The following ARHGAP15 variants were observed in gnomAD, a reference collection of about 807,000 sequenced individuals.
ARHGAP15 encodes Rho GTPase activating protein 15, also known as rho GTPase-activating protein 15.
In ARHGAP15, 51 loss-of-function variants were observed where a neutral mutation model predicts 63.7. The observed-to-expected ratio is 0.80, with a 90% confidence interval of 0.64 to 1.01. The LOEUF (loss-of-function observed/expected upper bound fraction) is 1.01, where lower values mean the gene tolerates loss of function less well. Ranked by LOEUF, ARHGAP15 falls within the 50% of genes least tolerant of loss-of-function variation. The probability of loss-of-function intolerance (pLI) is 0.00; values close to 1 mark genes in which losing one functional copy is unlikely to be tolerated. For synonymous variants in ARHGAP15, 191 were observed against 193.8 expected (o/e 0.99, Z 0.12); for missense variants, 560 against 564.6 (o/e 0.99, Z 0.08).
intron 8 of ARHGAP15, among the ~76,000 whole-genome samples, chr2:143,473,457 A>G (rs1035357031): frequency 1.3e-5 from 2 of 152,102 alleles, no homozygotes; most frequent in African/African-American, 4.8e-5. Context: ...ATGGGGAGGG[A>G]GTCAGATCCT....
At chr2:143,648,952 CAT>C (rs1182381167) in intron 12 of ARHGAP15, 2 of 151,938 alleles carry the variant, frequency 1.3e-5, no homozygotes, top group Non-Finnish European at 2.9e-5. Flanking sequence ...TATAACAAGA[CAT>C]AGTGCAAACC....
At chr2:143,390,128 G>A (rs1047448342) in intron 6 of ARHGAP15, among the ~76,000 whole-genome samples, 20 of 151,850 alleles carry the variant, frequency 1.3e-4, no homozygotes, top group African/African-American at 4.8e-4. Context: ...AAAGAGATAT[G>A]AGACTATATC....
chr2:143,539,133 T>C (rs1324996075), intron 10 of ARHGAP15, among the ~76,000 whole-genome samples: 2 of 152,234 alleles, frequency 1.3e-5, no homozygotes, highest in East Asian at 1.9e-4. Context: ...GAGGAACTTA[T>C]CCACTTCTTC....
chr2:143,610,770 C>T (rs1559079655), intron 11 of ARHGAP15, among the ~76,000 whole-genome samples: 1 of 152,018 alleles, frequency 6.6e-6, no homozygotes, highest in Non-Finnish European at 1.5e-5. Flanking sequence ...ACTCTGTCAC[C>T]CAGGGTACAG....
At chr2:143,232,322 A>G (rs2104920573) in intron 5 of ARHGAP15, among the ~76,000 whole-genome samples, 1 of 152,298 alleles carries the variant, frequency 6.6e-6, no homozygotes, top group South Asian at 2.1e-4. Context: ...ACCAAAAAGA[A>G]AACTGTCCCC....
intron 12 of ARHGAP15, among the ~76,000 whole-genome samples, chr2:143,651,495 T>C (rs185245782): frequency 6.6e-6 from 1 of 152,110 alleles, no homozygotes; most frequent in African/African-American, 2.4e-5. Context: ...TTTGGAGTGG[T>C]CAGTTTGGGC....
In ARHGAP15 at chr2:143,176,554, TA is replaced by T. The variant is rs201398827; in HGVS notation, c.165+20908del. Among the ~76,000 whole-genome samples the T allele has an allele frequency of 7.7e-3, 1,164 of 151,590 alleles. 12 individuals are homozygous for T. Among genetic ancestry groups the T allele is most frequent in the African/African-American group, 0.027 (1,098 of 41,338 alleles). On this transcript the variant is annotated intron_variant, in intron 2 of 13. Coordinates refer to ENST00000295095, the MANE Select transcript of ARHGAP15 (RefSeq NM_018460.4). Reference sequence around the variant, plus strand: ...TTCTCTGTCATTTAATATTAAGTAGTAAAAAAAAACTAGTAAATAAGACTAA... The same window carrying T: ...TTCTCTGTCATTTAATATTAAGTAGTAAAAAAAACTAGTAAATAAGACTAA...
At chr2:143,203,976 G>T (rs1000819491) in intron 3 of ARHGAP15, among the ~76,000 whole-genome samples, 1 of 151,892 alleles carries the variant, frequency 6.6e-6, no homozygotes, top group Non-Finnish European at 1.5e-5. Context: ...GCCCAAACCC[G>T]TTCTCCATTT....
At chr2:143,329,841 T>C (rs763598546) in intron 6 of ARHGAP15, among the ~76,000 whole-genome samples, 8 of 151,308 alleles carry the variant, frequency 5.3e-5, no homozygotes, top group South Asian at 2.1e-4. Flanking sequence ...AAAACTTTCA[T>C]TGAAGCTGTG....
chr2:143,205,925 C>A (rs562518620), intron 3 of ARHGAP15, among the ~76,000 whole-genome samples: 65 of 152,064 alleles, frequency 4.3e-4, no homozygotes, highest in African/African-American at 1.4e-3. Flanking sequence ...ACCCTATCAT[C>A]CCCCCCACTG....
intron 11 of ARHGAP15, among the ~76,000 whole-genome samples, chr2:143,592,716 A>G (rs536420137): frequency 6.6e-6 from 1 of 152,350 alleles, no homozygotes; most frequent in East Asian, 1.9e-4. Flanking sequence ...GCCCTTGGAC[A>G]CTTAGCTTAT....
At position 143,194,552 on chromosome 2, in the gene ARHGAP15, A is replaced by G. The variant is rs116090997; in HGVS notation, c.166-7582A>G. Reference sequence around the variant, plus strand: ...CAATTTAGAAATTCATGGCTAAAAAATACGTGATTCTACAGAGAAAAACCA... The same window carrying G: ...CAATTTAGAAATTCATGGCTAAAAAGTACGTGATTCTACAGAGAAAAACCA... On this transcript the variant is annotated intron_variant, in intron 2 of 13. Transcript: ENST00000295095. 8.6e-3 allele frequency among the ~76,000 whole-genome samples: 1,314 copies of G among 152,288 alleles called. 24 individuals carry two copies. The highest frequency in any genetic ancestry group is 0.03 in the African/African-American group (1,246 of 41,558).
At chr2:143,500,487 A>G (rs937904837) in intron 9 of ARHGAP15, among the ~76,000 whole-genome samples, 1 of 152,156 alleles carries the variant, frequency 6.6e-6, no homozygotes, top group African/African-American at 2.4e-5. Context: ...TAAGAGATTT[A>G]GATATATTTG....
chr2:143,263,677 T>C (rs1233022268), intron 6 of ARHGAP15, among the ~76,000 whole-genome samples: 1 of 152,176 alleles, frequency 6.6e-6, no homozygotes, highest in African/African-American at 2.4e-5. Context: ...TACATTCTTA[T>C]GAATCTTCTA....
intron 6 of ARHGAP15, among the ~76,000 whole-genome samples, chr2:143,361,257 T>A (rs1297532954): frequency 6.6e-6 from 1 of 152,218 alleles, no homozygotes; most frequent in African/African-American, 2.4e-5. Context: ...TCCAGTTGAA[T>A]CTTCAGCCCT....
intron 9 of ARHGAP15, among the ~76,000 whole-genome samples, chr2:143,487,912 G>A (rs540959713): frequency 4.6e-5 from 7 of 152,160 alleles, no homozygotes; most frequent in Non-Finnish European, 1.0e-4. Context: ...AAGGTTATCT[G>A]ATCATCCTAG....
intron 6 of ARHGAP15, among the ~76,000 whole-genome samples, chr2:143,268,290 C>G (rs1177801157): frequency 1.3e-5 from 2 of 151,494 alleles, no homozygotes; most frequent in Non-Finnish European, 2.9e-5. Flanking sequence ...TCCCAGTAAA[C>G]CAAGTTGCAA....
Position 143,510,786 on chromosome 2 carries a change from G to A in ARHGAP15, c.827-8480G>A, listed in dbSNP as rs188914256. ...GGCTGCCATTATTGTTTTCTGCTTC[G>A]CTCTGTGTTCCGCATGTGTGTGTCC... On this transcript the variant is annotated intron_variant, in intron 9 of 13. Transcript: ENST00000295095. 1.3e-4 allele frequency among the ~76,000 whole-genome samples: 20 copies of A among 152,224 alleles called. 1 individual carries two copies. The highest frequency in any genetic ancestry group is 6.2e-4 in the South Asian group (3 of 4,826).
chr2:143,745,084 CT>C (rs1214279125), intron 13 of ARHGAP15, among the ~76,000 whole-genome samples: 2 of 152,122 alleles, frequency 1.3e-5, no homozygotes, highest in Non-Finnish European at 2.9e-5. Flanking sequence ...TAAATTTTCC[CT>C]TCTTTCTATA....
Sources: gnomAD v4.1 joint callset for allele counts (sites outside exome capture counted in the v4.1 genomes callset) on GRCh38, gnomAD v4.1.1 for gene constraint, MANE v1.5 for transcripts, NCBI Gene and HGNC (gene_info 2026-07-23, HGNC 2026-07-21) for gene names.